Variants in AOAH observed in about 807,000 individuals in gnomAD.
AOAH encodes acyloxyacyl hydrolase (neutrophil).
Under a neutral mutation model 92.2 loss-of-function variants are expected in AOAH, and 64 were observed. The ratio of observed to expected loss-of-function variants is 0.69; its 90% CI spans 0.57 to 0.86. The LOEUF (loss-of-function observed/expected upper bound fraction) is 0.86, where lower values mean the gene tolerates loss of function less well. AOAH is among the 40% of genes least tolerant of loss of function. The pLI is 0.00. For synonymous variants in AOAH, 263 were observed against 254.5 expected, an observed-to-expected ratio of 1.03 and a Z score of -0.32; for missense variants, 656 against 694.6, an observed-to-expected ratio of 0.94 and a Z score of 0.62.
At chr7:36,662,333 C>T (rs985274634) in intron 3 of AOAH, among the ~76,000 whole-genome samples, 5 of 152,212 alleles carry the variant, frequency 3.3e-5, no homozygotes, top group Admixed American at 1.3e-4. Context: ...CAGCGTTCAT[C>T]GTGAAAGTCA....
intron 4 of AOAH, 99 bp from the exon 5 acceptor site, chr7:36,638,009 T>C (rs1170137737): frequency 2.3e-6 from 2 of 880,244 alleles, no homozygotes; most frequent in African/African-American, 1.7e-5. Flanking sequence ...AAGTTTTCAA[T>C]AAATGAACCA....
chr7:36,542,093 A>C, intron 15 of AOAH, among the ~76,000 whole-genome samples: 1 of 152,218 alleles, frequency 6.6e-6, no homozygotes, highest in African/African-American at 2.4e-5. Context: ...ATGTTGGATT[A>C]GTGTGGGCCT....
rs182764497 is a variant in AOAH, at chr7:36,623,515, A to G, written c.522-265T>C. 2.0e-5 allele frequency among the ~76,000 whole-genome samples: 3 copies of G among 152,328 alleles called. No individual in the cohort carries two copies. The East Asian group carries it at 5.8e-4, about 29-fold the overall frequency. Reference sequence around the variant, plus strand: ...AGTGAAATAATTGAAGTGAAATTTTAAAGGGCAAGGGGTATTGATGTTGAG... The same window carrying G: ...AGTGAAATAATTGAAGTGAAATTTTGAAGGGCAAGGGGTATTGATGTTGAG... On this transcript the variant is annotated intron_variant, in intron 6 of 20. Coordinates refer to ENST00000617537, the MANE Select transcript of AOAH (RefSeq NM_001637.4).
At chr7:36,514,368 C>A (rs1287373899) in intron 20 of AOAH, 3 of 881,614 alleles carry the variant, frequency 3.4e-6, no homozygotes, top group Non-Finnish European at 5.2e-6. Context: ...GGGGTGGGAT[C>A]CTGGCAGGCT....
chr7:36,688,814 T>C (rs1179852856), intron 1 of AOAH, among the ~76,000 whole-genome samples: 1 of 151,100 alleles, frequency 6.6e-6, no homozygotes, highest in East Asian at 1.9e-4. Context: ...CACACACACA[T>C]ATATTTATGT....
At chr7:36,543,642 AT>A (rs1488910285) in intron 15 of AOAH, among the ~76,000 whole-genome samples, 1 of 152,170 alleles carries the variant, frequency 6.6e-6, no homozygotes, top group Non-Finnish European at 1.5e-5. Context: ...GCTAATTTGT[AT>A]TTATGAAAGG....
intron 11 of AOAH, among the ~76,000 whole-genome samples, chr7:36,610,496 AC>A: frequency 9.2e-6 from 1 of 109,156 alleles, no homozygotes; most frequent in Non-Finnish European, 1.8e-5. Flanking sequence ...TGGCTTTATA[AC>A]TTTTTTTTTT....
At chr7:36,609,953 C>A (rs1222690128) in intron 11 of AOAH, among the ~76,000 whole-genome samples, 1 of 151,862 alleles carries the variant, frequency 6.6e-6, no homozygotes. Context: ...TTTACACTTG[C>A]CACAAGCACG....
intron 2 of AOAH, among the ~76,000 whole-genome samples, chr7:36,681,695 G>A (rs1311397683): frequency 6.6e-6 from 1 of 152,128 alleles, no homozygotes; most frequent in Non-Finnish European, 1.5e-5. Context: ...CAGCTACTCG[G>A]GAGGCTGAGG....
At chr7:36,543,367 A>G (rs765577535) in intron 15 of AOAH, among the ~76,000 whole-genome samples, 14 of 152,164 alleles carry the variant, frequency 9.2e-5, no homozygotes, top group Non-Finnish European at 1.8e-4. Flanking sequence ...GCAAGGGTGA[A>G]ATGAAAGGCA....
intron 4 of AOAH, among the ~76,000 whole-genome samples, chr7:36,640,294 G>A (rs13239461): frequency 0.42 from 63,711 of 152,026 alleles, 14,421 homozygotes; most frequent in African/African-American, 0.6. Context: ...AGGAAAATCT[G>A]GGTTTCTGCT....
At chr7:36,651,544 T>G (rs1794578470) in intron 4 of AOAH, among the ~76,000 whole-genome samples, 1 of 152,158 alleles carries the variant, frequency 6.6e-6, no homozygotes, top group African/African-American at 2.4e-5. Context: ...ACTGAGAAAG[T>G]TGGGATATTG....
rs187348286 is a variant in AOAH at position 36,562,510 on chromosome 7, T to G, written c.1022-13035A>C. Reference sequence around the variant, plus strand: ...TATTTATTTGTCAAGATGGTCCAAATGGAGAGCCCACCTGTCTCCAATGAC... The same window carrying G: ...TATTTATTTGTCAAGATGGTCCAAAGGGAGAGCCCACCTGTCTCCAATGAC... On this transcript the variant is annotated intron_variant, in intron 13 of 20. Coordinates refer to ENST00000617537, the MANE Select transcript of AOAH (RefSeq NM_001637.4). 3.9e-5 allele frequency among the ~76,000 whole-genome samples: 6 copies of G among 152,318 alleles called. No individual in the cohort carries two copies. The East Asian group carries it at 1.2e-3, about 29-fold the overall frequency.
intron 2 of AOAH, among the ~76,000 whole-genome samples, chr7:36,679,757 A>G (rs574316138): frequency 1.3e-5 from 2 of 152,224 alleles, no homozygotes; most frequent in East Asian, 3.9e-4. Flanking sequence ...TCCAGTGTTC[A>G]AGCAATTCTT....
intron 6 of AOAH, among the ~76,000 whole-genome samples, chr7:36,624,032 T>G (rs1792467483): frequency 3.3e-5 from 5 of 152,210 alleles, no homozygotes; most frequent in Admixed American, 3.3e-4. Context: ...GTAACTTTAC[T>G]TCATCTTCAT....
chr7:36,664,707 T>G (rs2116576176), intron 3 of AOAH, among the ~76,000 whole-genome samples: 1 of 151,846 alleles, frequency 6.6e-6, no homozygotes, highest in East Asian at 1.9e-4. Context: ...TAGGCTGTTT[T>G]GCATTGCCAT....
At chr7:36,568,759 C>T (rs1402748174) in intron 13 of AOAH, among the ~76,000 whole-genome samples, 1 of 152,208 alleles carries the variant, frequency 6.6e-6, no homozygotes, top group Non-Finnish European at 1.5e-5. Flanking sequence ...TCTTTCTTCT[C>T]TCCTTAGCCT....
intron 1 of AOAH, among the ~76,000 whole-genome samples, chr7:36,698,686 A>G (rs1797858386): frequency 6.6e-6 from 1 of 152,198 alleles, no homozygotes; most frequent in Admixed American, 6.5e-5. Context: ...TTATTGATAC[A>G]TAATAGATAT....
At chr7:36,681,833 T>C (rs755083154) in intron 2 of AOAH, among the ~76,000 whole-genome samples, 3 of 152,024 alleles carry the variant, frequency 2.0e-5, no homozygotes, top group Non-Finnish European at 4.4e-5. Context: ...TAAGAGTACC[T>C]GAATAGCAAG....
Sources: gnomAD v4.1 joint callset for allele counts (sites outside exome capture counted in the v4.1 genomes callset) on GRCh38, gnomAD v4.1.1 for gene constraint, MANE v1.5 for transcripts, NCBI Gene and HGNC (gene_info 2026-07-23, HGNC 2026-07-21) for gene names.